FBXO16: variants seen among roughly 807,000 people sequenced by gnomAD.
FBXO16 encodes F-box only protein 16.
Under a neutral mutation model 41.0 loss-of-function variants are expected in FBXO16, and 31 were observed. The ratio of observed to expected loss-of-function variants is 0.76; its 90% CI spans 0.57 to 1.02. The LOEUF is 1.02. FBXO16 is among the 50% of genes least tolerant of loss of function. The probability of loss-of-function intolerance (pLI) is 0.00; values close to 1 mark genes in which losing one functional copy is unlikely to be tolerated. For missense variants in FBXO16, 361 were observed against 346.2 expected (o/e 1.04, Z -0.34); for synonymous variants, 133 against 117.8 (o/e 1.13, Z -0.84).
intron 7 of FBXO16, among the ~76,000 whole-genome samples, chr8:28,445,597 G>A (rs1268824495): frequency 1.3e-5 from 2 of 149,748 alleles, no homozygotes; most frequent in African/African-American, 5.0e-5. Flanking sequence ...CTCAATTAAT[G>A]GCTTCACTGA....
At position 28,442,676 on chromosome 8, in the gene FBXO16, G is replaced by A. The variant is rs573192564; in HGVS notation, c.843+4495C>T. On this transcript the variant is annotated intron_variant, in intron 7 of 8. Transcript: ENST00000380254. The stretch of plus-strand genomic sequence containing the variant: ...TGGGATTACAGGTGTGAGCCACCTC[G>A]CCCAGCCCATCTTTCATCAATCATT... Among the ~76,000 whole-genome samples, 7 of 152,024 alleles carry A rather than the reference G, an allele frequency of 4.6e-5. No homozygotes were observed. In the East Asian group the frequency reaches 7.8e-4, roughly 17 times the overall value.
intron 7 of FBXO16, among the ~76,000 whole-genome samples, chr8:28,446,645 G>T (rs953475906): frequency 3.3e-5 from 5 of 151,838 alleles, no homozygotes; most frequent in African/African-American, 1.2e-4. Context: ...GCCGAGGCAG[G>T]TGGATCACCT....
intron 7 of FBXO16, among the ~76,000 whole-genome samples, chr8:28,436,554 G>C (rs371951384): frequency 2.0e-5 from 3 of 152,284 alleles, no homozygotes; most frequent in African/African-American, 7.2e-5. Context: ...CCAAGACTAT[G>C]TGACTACATC....
chr8:28,433,692 G>A (rs951350239), intron 7 of FBXO16, among the ~76,000 whole-genome samples: 2 of 152,164 alleles, frequency 1.3e-5, no homozygotes, highest in African/African-American at 4.8e-5. Flanking sequence ...ACATACCAAT[G>A]CTTCCTTCTT....
intron 5 of FBXO16, among the ~76,000 whole-genome samples, chr8:28,452,858 T>TAAC (rs963535680): frequency 6.6e-6 from 1 of 151,028 alleles, no homozygotes; most frequent in African/African-American, 2.4e-5. Flanking sequence ...ATAATAATAA[T>TAAC]AACAACAACA....
intron 7 of FBXO16, among the ~76,000 whole-genome samples, chr8:28,433,099 A>T (rs57809147): frequency 0.073 from 10,999 of 150,632 alleles, 1,381 homozygotes; most frequent in African/African-American, 0.26. Flanking sequence ...CAAACAAACA[A>T]AACATAACAA....
chr8:28,448,738 G>A (rs1802905414), intron 6 of FBXO16, among the ~76,000 whole-genome samples: 3 of 152,174 alleles, frequency 2.0e-5, no homozygotes, highest in African/African-American at 4.8e-5. Context: ...ACTCCTGTAT[G>A]TATTACGATA....
intron 7 of FBXO16, among the ~76,000 whole-genome samples, chr8:28,431,247 C>G (rs77854735): frequency 0.052 from 7,885 of 152,250 alleles, 286 homozygotes; most frequent in South Asian, 0.13. Context: ...TGGTAGCTGT[C>G]ACCACCCATC....
At chr8:28,429,443 A>T in intron 7 of FBXO16, 40 bp from the exon 8 acceptor site, 1 of 1,611,938 alleles carries the variant, frequency 6.2e-7, no homozygotes. Context: ...GGAGAGAGGA[A>T]AAGAAAGAAA....
intron 7 of FBXO16, among the ~76,000 whole-genome samples, chr8:28,444,779 CTTTTTTTTTTTTT>C (rs71549666): frequency 2.3e-4 from 7 of 30,804 alleles, no homozygotes; most frequent in African/African-American, 9.0e-4. Flanking sequence ...CGCGCCCGGA[CTTTTTTTTTTTTT>C]TTTTTTTTTT....
intron 3 of FBXO16, among the ~76,000 whole-genome samples, chr8:28,466,615 A>C (rs1489803436): frequency 6.7e-5 from 10 of 148,318 alleles, no homozygotes; most frequent in South Asian, 2.2e-4. Flanking sequence ...CACGGTGAAA[A>C]CCCATCTCTA....
chr8:28,463,465 T>C (rs1046905171), intron 4 of FBXO16, 147 bp downstream of exon 4: 17 of 741,916 alleles, frequency 2.3e-5, no homozygotes, highest in Non-Finnish European at 3.3e-5. Flanking sequence ...TATATGTGTG[T>C]CTAAGTGTAC....
At chr8:28,443,729 A>C (rs1419555065) in intron 7 of FBXO16, among the ~76,000 whole-genome samples, 1 of 152,194 alleles carries the variant, frequency 6.6e-6, no homozygotes, top group African/African-American at 2.4e-5. Flanking sequence ...CACGAGATAC[A>C]GGTCATAAAG....
At chr8:28,447,333 G>T in intron 6 of FBXO16, 60 bp from the exon 7 acceptor site, 2 of 1,394,468 alleles carry the variant, frequency 1.4e-6, no homozygotes, top group Non-Finnish European at 2.0e-6. Context: ...CAGGTGGTTT[G>T]CATAGCTATT....
intron 6 of FBXO16, among the ~76,000 whole-genome samples, chr8:28,451,358 CTCTT>C (rs1012757085): frequency 4.2e-4 from 63 of 149,326 alleles, no homozygotes; most frequent in African/African-American, 1.4e-3. Flanking sequence ...TTTTCTTTCT[CTCTT>C]TCTGTCTCTT....
chr8:28,436,932 T>C (rs1445741247), intron 7 of FBXO16, among the ~76,000 whole-genome samples: 1 of 152,092 alleles, frequency 6.6e-6, no homozygotes, highest in Non-Finnish European at 1.5e-5. Context: ...TCATTTTTTG[T>C]AGAGATTGGT....
chr8:28,490,084 C>T (rs528067278), intron 1 of FBXO16, 102 bp downstream of exon 1: 1 of 152,240 alleles, frequency 6.6e-6, no homozygotes, highest in African/African-American at 2.4e-5. Flanking sequence ...AATGAGAGGG[C>T]ACAATGAAAT....
At chr8:28,458,414 C>T (rs778233897) in intron 4 of FBXO16, among the ~76,000 whole-genome samples, 110 of 151,988 alleles carry the variant, frequency 7.2e-4, no homozygotes, top group South Asian at 1.0e-3. Flanking sequence ...GACCCAGAAA[C>T]GAAACAACAC....
chr8:28,432,495 A>AAACAAC (rs1290239038), intron 7 of FBXO16, among the ~76,000 whole-genome samples: 1 of 151,544 alleles, frequency 6.6e-6, no homozygotes, highest in South Asian at 2.1e-4. Flanking sequence ...AAACAAAACA[A>AAACAAC]AACAACAACA....
Sources: allele counts gnomAD v4.1 joint callset (sites outside exome capture counted in the v4.1 genomes callset), GRCh38; gene constraint gnomAD v4.1.1; transcripts MANE v1.5; gene names NCBI Gene and HGNC (gene_info 2026-07-23, HGNC 2026-07-21).